Variants in SH3D19 observed in about 807,000 individuals in gnomAD.
SH3D19 encodes SH3 domain containing 19.
In SH3D19, 58 loss-of-function variants were observed where a neutral mutation model predicts 112.1. The observed-to-expected ratio is 0.52, with a 90% CI of 0.42 to 0.64. The LOEUF (loss-of-function observed/expected upper bound fraction) is 0.64, where lower values mean the gene tolerates loss of function less well. SH3D19 is among the 30% of genes least tolerant of loss of function. The probability of loss-of-function intolerance (pLI) is 0.00; values close to 1 mark genes in which losing one functional copy is unlikely to be tolerated. For missense variants in SH3D19, 1,090 were observed against 1,263.4 expected (o/e 0.86, Z 2.08); for synonymous variants, 391 against 448.5 (o/e 0.87, Z 1.62).
At chr4:151,162,309 C>T (rs1757298482) in intron 8 of SH3D19, among the ~76,000 whole-genome samples, 1 of 152,100 alleles carries the variant, frequency 6.6e-6, no homozygotes, top group African/African-American at 2.4e-5. Flanking sequence ...CATCCACGTC[C>T]CTGCAAAGGA....
intron 4 of SH3D19, 66 bp downstream of exon 4, chr4:151,179,289 C>A: frequency 2.2e-6 from 2 of 895,322 alleles, no homozygotes; most frequent in Non-Finnish European, 2.9e-6. Context: ...TAATTTGCTA[C>A]CTGATAACAC....
At position 151,132,398 on chromosome 4, in the gene SH3D19, C is replaced by T. The variant is rs200896320; in HGVS notation, c.2690-15G>A. On this transcript the variant is annotated splice_polypyrimidine_tract_variant and intron_variant, in intron 16 of 19. Coordinates refer to ENST00000604030, the MANE Select transcript of SH3D19 (RefSeq NM_001378122.1). The stretch of plus-strand genomic sequence containing the variant: ...TACCTTTGTGCCTACATTAAAAAAA[C>T]AAACAAACACAAGAAGTCAGAACAT... 1,133 of 1,610,326 alleles carry T rather than the reference C, an allele frequency of 7.0e-4. 3 individuals are homozygous for T. The highest frequency in any genetic ancestry group is 8.7e-4 in the Non-Finnish European group (1,027 of 1,177,650).
At chr4:151,173,904 G>C (rs1759486911) in intron 7 of SH3D19, among the ~76,000 whole-genome samples, 1 of 152,196 alleles carries the variant, frequency 6.6e-6, no homozygotes, top group Non-Finnish European at 1.5e-5. Context: ...ATGACAAGTA[G>C]AGCAGCTTAG....
intron 1 of SH3D19, chr4:151,280,040 T>C (rs1340356004): frequency 1.1e-5 from 9 of 794,168 alleles, no homozygotes; most frequent in Non-Finnish European, 1.2e-5. Context: ...AAAAGACAAA[T>C]GAAAGTGGTA....
intron 17 of SH3D19, among the ~76,000 whole-genome samples, chr4:151,130,564 A>C (rs1473862045): frequency 6.6e-6 from 1 of 152,228 alleles, no homozygotes; most frequent in Non-Finnish European, 1.5e-5. Context: ...ACAGTGTAAA[A>C]ATTTTAACCC....
At chr4:151,155,888 C>CA (rs1234311493) in intron 9 of SH3D19, among the ~76,000 whole-genome samples, 7 of 151,336 alleles carry the variant, frequency 4.6e-5, no homozygotes, top group East Asian at 1.9e-4. Context: ...GACTCTGTCT[C>CA]AAAAAAAGAA....
chr4:151,193,144 C>T (rs968757828), intron 2 of SH3D19, among the ~76,000 whole-genome samples: 1 of 149,726 alleles, frequency 6.7e-6, no homozygotes, highest in Non-Finnish European at 1.5e-5. Flanking sequence ...CTATAATCCA[C>T]TTAATAAGCA....
chr4:151,149,463 C>A, intron 10 of SH3D19, 37 bp downstream of exon 10: 1 of 1,545,390 alleles, frequency 6.5e-7, no homozygotes, highest in Non-Finnish European at 8.9e-7. Flanking sequence ...GTCTCTGAGT[C>A]ATTAATTTTT....
intron 19 of SH3D19, among the ~76,000 whole-genome samples, chr4:151,125,587 C>T (rs1749087080): frequency 6.6e-6 from 1 of 150,888 alleles, no homozygotes; most frequent in South Asian, 2.1e-4. Flanking sequence ...GGCATGGTGG[C>T]TCACACCTGT....
In SH3D19 at chr4:151,176,954, G is replaced by T; in HGVS notation, c.238C>A (p.Arg80Ser). Reference sequence around the variant, plus strand: ...GCTGCCACAATGGTGATCTCTGGGCGCCTAGTGGACAGAAGCCTCAGTGAG... The same window carrying T: ...GCTGCCACAATGGTGATCTCTGGGCTCCTAGTGGACAGAAGCCTCAGTGAG... ...IQSELHRDRRRPEITIVAAEP... is the reference protein window; with the variant it reads ...IQSELHRDRRSPEITIVAAEP... Residue 80 changes from arginine to serine, a missense_variant and splice_region_variant, in exon 5 of 20, where the codon CGC (arginine) becomes AGC (serine). By Grantham distance (110) the Arg-to-Ser change is moderately radical. Coordinates refer to ENST00000604030, the MANE Select transcript of SH3D19 (RefSeq NM_001378122.1). The T allele has an allele frequency of 8.1e-7, 1 of 1,232,148 alleles. No individual in the cohort carries two copies. The highest frequency in any genetic ancestry group is 1.0e-6 in the Non-Finnish European group (1 of 987,948). 76.3% of individuals were successfully genotyped at this position (1,232,148 alleles called of 1,614,324 possible). A position where few individuals can be genotyped will look rare whatever the true frequency, so the allele number is the denominator to read the frequency against.
chr4:151,291,566 A>G, intron 1 of SH3D19: 1 of 668,736 alleles, frequency 1.5e-6, no homozygotes. Context: ...AAGAGTTAAG[A>G]AATAAAACTG....
chr4:151,233,986 T>C (rs1580290048), intron 1 of SH3D19, among the ~76,000 whole-genome samples: 2 of 152,372 alleles, frequency 1.3e-5, no homozygotes, highest in Middle Eastern at 6.8e-3. Context: ...GCATCCTTTA[T>C]GCTGTAGTTG....
intron 1 of SH3D19, among the ~76,000 whole-genome samples, chr4:151,316,044 C>G (rs141574213): frequency 1.3e-5 from 2 of 152,182 alleles, no homozygotes; most frequent in African/African-American, 2.4e-5. Context: ...AAAAGAGTAA[C>G]TTTCAAGCAG....
intron 1 of SH3D19, among the ~76,000 whole-genome samples, chr4:151,313,850 G>A (rs1729737757): frequency 6.6e-6 from 1 of 152,142 alleles, no homozygotes; most frequent in Non-Finnish European, 1.5e-5. Flanking sequence ...AGATAAGACA[G>A]GATCATTTAC....
At chr4:151,183,057 C>T (rs575113447) in intron 3 of SH3D19, among the ~76,000 whole-genome samples, 3 of 149,804 alleles carry the variant, frequency 2.0e-5, no homozygotes, top group Non-Finnish European at 4.4e-5. Context: ...AGTGGCACGA[C>T]CTTGGCTCAC....
At chr4:151,225,151 C>T (rs1292397930) in intron 2 of SH3D19, among the ~76,000 whole-genome samples, 1 of 152,132 alleles carries the variant, frequency 6.6e-6, no homozygotes, top group Non-Finnish European at 1.5e-5. Flanking sequence ...GAGGTCAATG[C>T]ACTCTAGGGT....
chr4:151,169,758 G>C (rs1051490155), intron 7 of SH3D19, among the ~76,000 whole-genome samples: 8 of 152,104 alleles, frequency 5.3e-5, no homozygotes, highest in African/African-American at 1.9e-4. Flanking sequence ...GTAGTCCCAC[G>C]TTCAGAAATT....
At chr4:151,211,165 G>A (rs1765906944) in intron 2 of SH3D19, among the ~76,000 whole-genome samples, 1 of 151,946 alleles carries the variant, frequency 6.6e-6, no homozygotes. Flanking sequence ...AGCTACTCGA[G>A]AGGCTGAGGC....
At chr4:151,205,069 C>G (rs1450840259) in intron 2 of SH3D19, among the ~76,000 whole-genome samples, 1 of 152,140 alleles carries the variant, frequency 6.6e-6, no homozygotes, top group Non-Finnish European at 1.5e-5. Context: ...GATCCACCCA[C>G]CTCAGCCTCC....
Sources: allele counts gnomAD v4.1 joint callset (sites outside exome capture counted in the v4.1 genomes callset), GRCh38; gene constraint gnomAD v4.1.1; transcripts MANE v1.5; gene names NCBI Gene and HGNC (gene_info 2026-07-23, HGNC 2026-07-21).